DOCK1: variants seen among roughly 807,000 people sequenced by gnomAD.
DOCK1 encodes dedicator of cytokinesis protein 1.
Under a neutral mutation model 262.7 loss-of-function variants are expected in DOCK1, and 138 were observed. The observed-to-expected ratio is 0.53, with a 90% CI of 0.46 to 0.61. DOCK1 has a LOEUF of 0.61. Ranked by LOEUF, DOCK1 falls within the 20% of genes least tolerant of loss-of-function variation. The probability of loss-of-function intolerance (pLI) is 0.00; values close to 1 mark genes in which losing one functional copy is unlikely to be tolerated. For missense variants in DOCK1, 1,908 were observed against 2,370.7 expected, an observed-to-expected ratio of 0.80 and a Z score of 4.05; for synonymous variants, 866 against 867.4, an observed-to-expected ratio of 1.00 and a Z score of 0.03.
At chr10:127,365,843 C>T (rs1361960582) in intron 33 of DOCK1, among the ~76,000 whole-genome samples, 5 of 152,104 alleles carry the variant, frequency 3.3e-5, no homozygotes, top group South Asian at 4.1e-4. Context: ...GGAAATGGTC[C>T]GAAGTTAACG....
At chr10:127,128,853 A>G (rs1199702053) in intron 27 of DOCK1, among the ~76,000 whole-genome samples, 1 of 152,230 alleles carries the variant, frequency 6.6e-6, no homozygotes, top group Admixed American at 6.5e-5. Context: ...CTGAATGCCC[A>G]TCAAAGATAG....
chr10:127,331,049 G>C (rs1303265887), intron 29 of DOCK1, among the ~76,000 whole-genome samples: 1 of 151,848 alleles, frequency 6.6e-6, no homozygotes, highest in Non-Finnish European at 1.5e-5. Flanking sequence ...AAGCTGTCAC[G>C]TGGAAACTGC....
At chr10:126,955,296 T>G (rs956057744) in intron 1 of DOCK1, among the ~76,000 whole-genome samples, 1 of 152,192 alleles carries the variant, frequency 6.6e-6, no homozygotes, top group Admixed American at 6.5e-5. Context: ...CGGCTAAATT[T>G]TGTCCTTTTT....
At chr10:127,355,770 C>T (rs1472395850) in intron 32 of DOCK1, among the ~76,000 whole-genome samples, 3 of 152,222 alleles carry the variant, frequency 2.0e-5, no homozygotes, top group South Asian at 4.1e-4. Flanking sequence ...GCTTACTTCC[C>T]AAGCAGCTGT....
chr10:126,955,342 T>C (rs1363129738), intron 1 of DOCK1, among the ~76,000 whole-genome samples: 1 of 152,228 alleles, frequency 6.6e-6, no homozygotes, highest in Non-Finnish European at 1.5e-5. Flanking sequence ...GCCAGGCTGG[T>C]CTCAAACTTC....
At position 127,374,225 on chromosome 10, in the gene DOCK1, G is replaced by C; in HGVS notation, c.3675+11G>C. 1 of 1,599,980 alleles carries C rather than the reference G, an allele frequency of 6.3e-7. No individual in the cohort carries two copies. Among genetic ancestry groups the C allele is most frequent in the Non-Finnish European group, 8.5e-7 (1 of 1,173,560 alleles). On this transcript the variant is annotated intron_variant, in intron 35 of 51. Coordinates refer to ENST00000623213, the MANE Select transcript of DOCK1 (RefSeq NM_001290223.2). ...ACCGTCAATGTGCTGGTGAGTGAAAGCTTAATCACGTTTTTTCAGTTTTCA... is the reference window on the plus strand; with the variant it reads ...ACCGTCAATGTGCTGGTGAGTGAAACCTTAATCACGTTTTTTCAGTTTTCA...
At chr10:127,350,604 C>G (rs763150050) in intron 31 of DOCK1, among the ~76,000 whole-genome samples, 3 of 152,148 alleles carry the variant, frequency 2.0e-5, no homozygotes, top group Non-Finnish European at 4.4e-5. Flanking sequence ...AACAATTCCT[C>G]TATGTATCTA....
At chr10:126,987,195 T>C (rs1373233909) in intron 4 of DOCK1, among the ~76,000 whole-genome samples, 3 of 152,184 alleles carry the variant, frequency 2.0e-5, no homozygotes, top group Non-Finnish European at 4.4e-5. Context: ...GGTACACATA[T>C]TATGAATATA....
At chr10:126,921,061 G>C (rs72832573) in intron 1 of DOCK1, among the ~76,000 whole-genome samples, 14,232 of 152,060 alleles carry the variant, frequency 0.094, 936 homozygotes, top group South Asian at 0.18. Context: ...TTAGTTGGGC[G>C]TGGTGGTTCG....
intron 39 of DOCK1, among the ~76,000 whole-genome samples, chr10:127,403,416 G>A (rs529724294): frequency 7.9e-5 from 12 of 152,338 alleles, no homozygotes; most frequent in Admixed American, 5.9e-4. Flanking sequence ...CTGACCTTGT[G>A]TATAGCGGTC....
chr10:127,335,853 T>C (rs2063168255), intron 29 of DOCK1, among the ~76,000 whole-genome samples: 2 of 152,112 alleles, frequency 1.3e-5, no homozygotes, highest in African/African-American at 4.8e-5. Context: ...TAGCTGGGAC[T>C]ACGGGCACCT....
chr10:127,350,782 A>T (rs1353956157), intron 31 of DOCK1, among the ~76,000 whole-genome samples: 1 of 152,166 alleles, frequency 6.6e-6, no homozygotes, highest in Non-Finnish European at 1.5e-5. Flanking sequence ...CCAAGTGCTC[A>T]ATAAATGTTC....
At chr10:126,959,788 G>C (rs1378650876) in intron 1 of DOCK1, among the ~76,000 whole-genome samples, 1 of 152,160 alleles carries the variant, frequency 6.6e-6, no homozygotes, top group Non-Finnish European at 1.5e-5. Flanking sequence ...AGTTGTCTTT[G>C]CTAGTCAAGA....
At chr10:127,244,550 T>G (rs2059370100) in intron 27 of DOCK1, among the ~76,000 whole-genome samples, 1 of 152,206 alleles carries the variant, frequency 6.6e-6, no homozygotes, top group Non-Finnish European at 1.5e-5. Flanking sequence ...CTTGCTCACA[T>G]TATCATCATT....
At chr10:127,284,576 C>T (rs771119955) in intron 29 of DOCK1, among the ~76,000 whole-genome samples, 30 of 152,120 alleles carry the variant, frequency 2.0e-4, no homozygotes, top group Non-Finnish European at 2.4e-4. Context: ...AATTTCTGGG[C>T]AATTTGTTGC....
At chr10:127,383,832 C>T (rs1230959568) in intron 37 of DOCK1, among the ~76,000 whole-genome samples, 1 of 152,222 alleles carries the variant, frequency 6.6e-6, no homozygotes, top group African/African-American at 2.4e-5. Context: ...CGTGAGCCTC[C>T]AGGCTGCCCA....
intron 29 of DOCK1, among the ~76,000 whole-genome samples, chr10:127,258,968 G>A (rs1251432581): frequency 1.6e-4 from 24 of 152,082 alleles, no homozygotes; most frequent in Admixed American, 1.6e-3. Flanking sequence ...TCTGCTTTCT[G>A]GGGCAGCAGA....
In DOCK1 at chr10:126,998,516, G is replaced by A. The variant is rs1399306264; in HGVS notation, c.767+267G>A. On this transcript the variant is annotated intron_variant, in intron 8 of 51. Coordinates refer to ENST00000623213, the MANE Select transcript of DOCK1 (RefSeq NM_001290223.2). ...GGTACACTCTGGCCGTATCTTAAGA[G>A]TGTAGCTGAAGATTGAAGTAATACT... is the stretch of plus-strand genomic sequence containing the variant. 1.4e-5 allele frequency: 5 copies of A among 348,312 alleles called. No homozygotes were observed. In the East Asian group the frequency reaches 2.1e-4, roughly 15 times the overall value. 21.6% of individuals were successfully genotyped at this position (348,312 alleles called of 1,614,324 possible).
intron 27 of DOCK1, among the ~76,000 whole-genome samples, chr10:127,205,513 A>G (rs893633147): frequency 1.3e-5 from 2 of 152,212 alleles, no homozygotes; most frequent in African/African-American, 2.4e-5. Context: ...CGTGTTTGGC[A>G]ACCACCCACT....
Sources: gnomAD v4.1 joint callset for allele counts (sites outside exome capture counted in the v4.1 genomes callset) on GRCh38, gnomAD v4.1.1 for gene constraint, MANE v1.5 for transcripts, NCBI Gene and HGNC (gene_info 2026-07-23, HGNC 2026-07-21) for gene names.